Variants in TLN2 observed in about 807,000 individuals in gnomAD.
The protein encoded by TLN2 is talin-2.
TLN2 carries 118 observed loss-of-function variants against 294.7 expected under a neutral mutation model. The observed-to-expected ratio is 0.40, with a 90% CI of 0.34 to 0.47. The LOEUF (loss-of-function observed/expected upper bound fraction) is 0.47. Ranked by LOEUF, TLN2 falls within the 20% of genes least tolerant of loss-of-function variation. The pLI is 0.84. For synonymous variants in TLN2, 1,431 were observed against 1,304.5 expected, an observed-to-expected ratio of 1.10 and a Z score of -2.09; for missense variants, 3,083 against 3,282.2, an observed-to-expected ratio of 0.94 and a Z score of 1.48.
At chr15:62,596,180 G>A (rs1381424830) in intron 2 of TLN2, among the ~76,000 whole-genome samples, 2 of 148,638 alleles carry the variant, frequency 1.3e-5, no homozygotes, top group Admixed American at 6.9e-5. Flanking sequence ...CAGGAGAATG[G>A]CGTGAACCCA....
At chr15:62,783,360 T>C (rs1054670572) in intron 44 of TLN2, among the ~76,000 whole-genome samples, 3 of 152,222 alleles carry the variant, frequency 2.0e-5, no homozygotes, top group Non-Finnish European at 2.9e-5. Context: ...GAAAATCGCA[T>C]AGGGCTTGTG....
At chr15:62,398,103 T>C (rs2032710455) in intron 1 of TLN2, among the ~76,000 whole-genome samples, 1 of 152,212 alleles carries the variant, frequency 6.6e-6, no homozygotes, top group Non-Finnish European at 1.5e-5. Context: ...TCTTGAACTG[T>C]AGTTGCCATA....
chr15:62,772,350 G>A (rs1184681220), intron 42 of TLN2, among the ~76,000 whole-genome samples: 3 of 152,200 alleles, frequency 2.0e-5, no homozygotes, highest in Non-Finnish European at 4.4e-5. Context: ...TTAAGCGCCA[G>A]CCACTGCCCT....
intron 11 of TLN2, among the ~76,000 whole-genome samples, chr15:62,675,532 C>G (rs1372398674): frequency 2.6e-5 from 4 of 152,206 alleles, no homozygotes; most frequent in Non-Finnish European, 4.4e-5. Flanking sequence ...CCAGGAGCCC[C>G]TGGGCAGCTG....
chr15:62,797,261 G>A lies in TLN2; in HGVS notation c.6093G>A (p.Thr2031=), dbSNP rs267604279. Residue 2031 remains threonine, a synonymous_variant, in exon 48 of 59, where the codon ACG becomes ACA. Coordinates refer to ENST00000636159, the MANE Select transcript of TLN2 (RefSeq NM_015059.3). Reference sequence around the variant, plus strand: ...CGGCCAAGGCCTTGGTAGAAGACACGAAACTACTTGTGTCAGGAGCTGCGT... The same window carrying A: ...CGGCCAAGGCCTTGGTAGAAGACACAAAACTACTTGTGTCAGGAGCTGCGT... The part of the protein sequence containing the change: ...LKTAKALVED[T]KLLVSGAAST... 7.6e-5 allele frequency: 123 copies of A among 1,613,928 alleles called. No homozygotes were observed. In the Admixed American group the frequency reaches 7.7e-4, roughly 10 times the overall value.
chr15:62,731,110 C>T (rs2060700298), intron 28 of TLN2, among the ~76,000 whole-genome samples: 1 of 152,104 alleles, frequency 6.6e-6, no homozygotes, highest in African/African-American at 2.4e-5. Flanking sequence ...TTGTAAGTAT[C>T]ATATTTTTCA....
chr15:62,719,691 C>G (rs1340773628), intron 24 of TLN2, 76 bp from the exon 25 acceptor site: 1 of 1,255,852 alleles, frequency 8.0e-7, no homozygotes, highest in African/African-American at 1.5e-5. Context: ...AAAAAGCGCA[C>G]TTGGGTCATG....
intron 51 of TLN2, among the ~76,000 whole-genome samples, chr15:62,807,533 T>C (rs1422709290): frequency 6.6e-6 from 1 of 152,178 alleles, no homozygotes; most frequent in Non-Finnish European, 1.5e-5. Context: ...GACAGACGCT[T>C]TTGTCCCCAA....
chr15:62,752,232 G>A, intron 34 of TLN2, 73 bp from the exon 35 acceptor site: 1 of 1,544,294 alleles, frequency 6.5e-7, no homozygotes, highest in Non-Finnish European at 8.8e-7. Context: ...ATTAAAGTTG[G>A]AGTGTAGCCT....
At chr15:62,477,926 G>A (rs1403118975) in intron 1 of TLN2, among the ~76,000 whole-genome samples, 4 of 150,670 alleles carry the variant, frequency 2.7e-5, no homozygotes, top group African/African-American at 9.8e-5. Flanking sequence ...CGGGGGCAGA[G>A]GGGAGCGGGG....
At chr15:62,731,986 A>G (rs917865546) in intron 28 of TLN2, among the ~76,000 whole-genome samples, 2 of 152,332 alleles carry the variant, frequency 1.3e-5, no homozygotes, top group Admixed American at 6.5e-5. Flanking sequence ...AGTACCTGCA[A>G]TAATAAGAAT....
At chr15:62,805,810 A>G (rs1004094043) in intron 51 of TLN2, 25 bp downstream of exon 51, 4 of 1,602,484 alleles carry the variant, frequency 2.5e-6, no homozygotes, top group Non-Finnish European at 3.4e-6. Flanking sequence ...ATGGTTTTGG[A>G]TGGACAGATG....
intron 1 of TLN2, among the ~76,000 whole-genome samples, chr15:62,464,886 C>T (rs1040954289): frequency 3.9e-5 from 6 of 152,166 alleles, no homozygotes; most frequent in African/African-American, 1.2e-4. Context: ...ATGACTAAAT[C>T]ACTCAGCATC....
chr15:62,753,340 G>A lies in TLN2; in HGVS notation c.4333-433G>A, dbSNP rs189362854. Among the ~76,000 whole-genome samples, 144 of 152,218 alleles carry A rather than the reference G, an allele frequency of 9.5e-4. 1 individual carries two copies. The highest frequency in any genetic ancestry group is 2.2e-3 in the Admixed American group (34 of 15,288). ...AACCCTAGGACAGGGCAGGCTCCACGGTTGGCTGACCCAGCAGCTCCACAC... is the reference window on the plus strand; with the variant it reads ...AACCCTAGGACAGGGCAGGCTCCACAGTTGGCTGACCCAGCAGCTCCACAC... On this transcript the variant is annotated intron_variant, in intron 35 of 58. Coordinates refer to ENST00000636159, the MANE Select transcript of TLN2 (RefSeq NM_015059.3).
intron 28 of TLN2, among the ~76,000 whole-genome samples, chr15:62,732,558 G>C (rs1181170495): frequency 6.6e-6 from 1 of 152,214 alleles, no homozygotes; most frequent in Admixed American, 6.5e-5. Flanking sequence ...ATGTGAACAT[G>C]TTTTTCATCT....
chr15:62,553,975 C>T (rs2042465154), intron 1 of TLN2, among the ~76,000 whole-genome samples: 1 of 149,022 alleles, frequency 6.7e-6, no homozygotes, highest in Non-Finnish European at 1.5e-5. Context: ...AGCTACAGAA[C>T]ATAACACAGA....
chr15:62,687,925 T>C (rs1227540878), intron 12 of TLN2: 1 of 152,220 alleles, frequency 6.6e-6, no homozygotes, highest in African/African-American at 2.4e-5. Flanking sequence ...TCATGGATGA[T>C]TTCTAAATTA....
chr15:62,777,893 T>C (rs1034262002), intron 43 of TLN2, among the ~76,000 whole-genome samples: 1 of 152,190 alleles, frequency 6.6e-6, no homozygotes, highest in Admixed American at 6.5e-5. Flanking sequence ...AATCCTTCAT[T>C]AGTCATGTAA....
intron 1 of TLN2, among the ~76,000 whole-genome samples, chr15:62,549,480 G>GCACC (rs149606389): frequency 3.4e-5 from 5 of 147,756 alleles, no homozygotes; most frequent in Non-Finnish European, 6.0e-5. Flanking sequence ...TGCATGCCAT[G>GCACC]CATCCATCCA....
Sources: allele counts gnomAD v4.1 joint callset (sites outside exome capture counted in the v4.1 genomes callset), GRCh38; gene constraint gnomAD v4.1.1; transcripts MANE v1.5; gene names NCBI Gene and HGNC (gene_info 2026-07-23, HGNC 2026-07-21).